Variants in DIAPH3 observed in about 807,000 individuals in gnomAD.
DIAPH3 encodes protein diaphanous homolog 3.
In DIAPH3, 117 loss-of-function variants were observed where a neutral mutation model predicts 144.3. That is an observed-to-expected ratio of 0.81 (90% CI 0.70 to 0.95). DIAPH3 has a LOEUF of 0.95. Ranked by LOEUF, DIAPH3 falls within the 40% of genes least tolerant of loss-of-function variation. The probability of loss-of-function intolerance (pLI) is 0.00; values close to 1 mark genes in which losing one functional copy is unlikely to be tolerated. For missense variants in DIAPH3, 1,421 were observed against 1,412.7 expected (o/e 1.01, Z -0.09); for synonymous variants, 519 against 488.9 (o/e 1.06, Z -0.81).
chr13:59,975,192 T>C (rs9598075), intron 14 of DIAPH3, among the ~76,000 whole-genome samples: 14 of 151,852 alleles, frequency 9.2e-5, no homozygotes, highest in African/African-American at 3.4e-4. Flanking sequence ...GCATTTGACT[T>C]TCTTAAGAAA....
intron 27 of DIAPH3, among the ~76,000 whole-genome samples, chr13:59,667,636 C>T (rs935861425): frequency 3.9e-5 from 6 of 152,170 alleles, no homozygotes; most frequent in Admixed American, 3.9e-4. Context: ...CAAGTATATA[C>T]ACATCTATAC....
intron 4 of DIAPH3, among the ~76,000 whole-genome samples, chr13:60,062,766 T>C (rs1347431913): frequency 6.6e-6 from 1 of 152,208 alleles, no homozygotes; most frequent in Non-Finnish European, 1.5e-5. Context: ...ATGTTTACAC[T>C]ATATTGCAGT....
intron 25 of DIAPH3, among the ~76,000 whole-genome samples, chr13:59,789,533 A>G (rs556212056): frequency 6.6e-6 from 1 of 152,162 alleles, no homozygotes; most frequent in Non-Finnish European, 1.5e-5. Context: ...AATAAGAATT[A>G]AAAAAAGAAG....
chr13:59,680,123 A>G (rs1475071383), intron 27 of DIAPH3, among the ~76,000 whole-genome samples: 1 of 152,214 alleles, frequency 6.6e-6, no homozygotes, highest in Non-Finnish European at 1.5e-5. Flanking sequence ...GGTGGAGTAT[A>G]TGAGGAAGAG....
intron 25 of DIAPH3, among the ~76,000 whole-genome samples, chr13:59,793,908 TG>T (rs1412853383): frequency 6.6e-6 from 1 of 152,208 alleles, no homozygotes; most frequent in Non-Finnish European, 1.5e-5. Flanking sequence ...CATGGTAACC[TG>T]GATGTCCTAG....
chr13:59,945,771 C>T (rs1290700568), intron 17 of DIAPH3, among the ~76,000 whole-genome samples: 1 of 152,116 alleles, frequency 6.6e-6, no homozygotes, highest in Non-Finnish European at 1.5e-5. Context: ...GACATGAGAA[C>T]CAGGGTCAAG....
intron 3 of DIAPH3, among the ~76,000 whole-genome samples, chr13:60,105,125 A>AAAAAC (rs2058383698): frequency 1.3e-5 from 2 of 148,538 alleles, no homozygotes; most frequent in African/African-American, 5.0e-5. Flanking sequence ...AAAAAAAAAA[A>AAAAAC]CTGCCAGTGA....
At chr13:60,011,435 T>A (rs2053257928) in intron 7 of DIAPH3, among the ~76,000 whole-genome samples, 1 of 152,210 alleles carries the variant, frequency 6.6e-6, no homozygotes, top group Non-Finnish European at 1.5e-5. Flanking sequence ...GTAAACCACA[T>A]GAGTAATTTA....
Position 60,139,686 on chromosome 13 carries a change from T to C in DIAPH3, c.181-6697A>G, listed in dbSNP as rs571587347. ...ATTATCATATTGTGGCTTGGGACTC[T>C]GACCTAGATTGCACCCCACAGAGGC... On this transcript the variant is annotated intron_variant, in intron 1 of 27. Coordinates refer to ENST00000400324, the MANE Select transcript of DIAPH3 (RefSeq NM_001042517.2). Among the ~76,000 whole-genome samples the C allele has an allele frequency of 3.1e-4, 47 of 152,360 alleles. No individual in the cohort carries two copies. In the South Asian group the frequency reaches 5.8e-3, roughly 19 times the overall value.
At chr13:59,947,297 T>C (rs1594089172) in intron 17 of DIAPH3, among the ~76,000 whole-genome samples, 1 of 152,146 alleles carries the variant, frequency 6.6e-6, no homozygotes, top group South Asian at 2.1e-4. Flanking sequence ...TCGTGTTGAA[T>C]AGCTTTCAAC....
chr13:59,841,442 A>C (rs572024271), intron 22 of DIAPH3, among the ~76,000 whole-genome samples: 1 of 152,046 alleles, frequency 6.6e-6, no homozygotes, highest in African/African-American at 2.4e-5. Flanking sequence ...TAAAAAAAAA[A>C]AATTAGCCAG....
At chr13:59,724,626 T>TG (rs2035517932) in intron 27 of DIAPH3, among the ~76,000 whole-genome samples, 1 of 152,204 alleles carries the variant, frequency 6.6e-6, no homozygotes, top group South Asian at 2.1e-4. Context: ...AACTTTTCAC[T>TG]TCTTCATCCT....
chr13:60,059,941 T>G (rs1284110048), intron 4 of DIAPH3, among the ~76,000 whole-genome samples: 2 of 152,166 alleles, frequency 1.3e-5, no homozygotes, highest in South Asian at 2.1e-4. Context: ...ACACCAGCTG[T>G]TCCAGTCTTT....
chr13:60,145,524 C>A (rs1216870914), intron 1 of DIAPH3, among the ~76,000 whole-genome samples: 4 of 152,178 alleles, frequency 2.6e-5, no homozygotes, highest in Non-Finnish European at 4.4e-5. Flanking sequence ...GTGGCGGGCA[C>A]CTGTAGTCCC....
intron 17 of DIAPH3, among the ~76,000 whole-genome samples, chr13:59,927,703 A>G (rs2047820992): frequency 6.6e-6 from 1 of 152,164 alleles, no homozygotes; most frequent in African/African-American, 2.4e-5. Context: ...TGTAGGTATC[A>G]TCCAATTCTC....
intron 1 of DIAPH3, among the ~76,000 whole-genome samples, chr13:60,135,855 G>A (rs986867168): frequency 6.6e-6 from 1 of 152,074 alleles, no homozygotes; most frequent in Non-Finnish European, 1.5e-5. Context: ...TTAAAAACTG[G>A]AATGTCTCAT....
intron 25 of DIAPH3, among the ~76,000 whole-genome samples, chr13:59,808,709 A>G (rs994447600): frequency 6.6e-6 from 1 of 152,148 alleles, no homozygotes; most frequent in Non-Finnish European, 1.5e-5. Context: ...AATCAATCAT[A>G]TATATATTAA....
chr13:59,975,542 C>G (rs1361390728), intron 14 of DIAPH3, among the ~76,000 whole-genome samples: 1 of 151,880 alleles, frequency 6.6e-6, no homozygotes, highest in African/African-American at 2.4e-5. Context: ...TTTTTTGGAG[C>G]AGTTTTAGGT....
At chr13:60,017,397 T>A in intron 5 of DIAPH3, among the ~76,000 whole-genome samples, 5 of 115,552 alleles carry the variant, frequency 4.3e-5, no homozygotes, top group South Asian at 2.7e-4. Context: ...AGAGCAAAAC[T>A]CCATCACAAA....
Sources: gnomAD v4.1 joint callset for allele counts (sites outside exome capture counted in the v4.1 genomes callset) on GRCh38, gnomAD v4.1.1 for gene constraint, MANE v1.5 for transcripts, NCBI Gene and HGNC (gene_info 2026-07-23, HGNC 2026-07-21) for gene names.